The following TMEM45A variants were observed in gnomAD, a reference collection of about 807,000 sequenced individuals.
The protein encoded by TMEM45A is transmembrane protein 45A.
Under a neutral mutation model 32.0 loss-of-function variants are expected in TMEM45A, and 25 were observed. The ratio of observed to expected loss-of-function variants is 0.78; its 90% CI spans 0.57 to 1.09. The LOEUF (loss-of-function observed/expected upper bound fraction) is 1.09, where lower values mean the gene tolerates loss of function less well. TMEM45A is among the 50% of genes least tolerant of loss of function. TMEM45A has a pLI of 0.00. For synonymous variants in TMEM45A, 122 were observed against 114.8 expected, an observed-to-expected ratio of 1.06 and a Z score of -0.40; for missense variants, 302 against 325.0, an observed-to-expected ratio of 0.93 and a Z score of 0.54.
chr3:100,562,888 A>G (rs551650402), intron 4 of TMEM45A, among the ~76,000 whole-genome samples: 23 of 152,328 alleles, frequency 1.5e-4, no homozygotes, highest in Admixed American at 1.4e-3. Flanking sequence ...AAGGTGAAAG[A>G]TGGAAGAGAG....
At chr3:100,560,283 T>C (rs373654306) in intron 4 of TMEM45A, among the ~76,000 whole-genome samples, 31 of 151,216 alleles carry the variant, frequency 2.1e-4, no homozygotes, top group African/African-American at 6.6e-4. Context: ...TTGAGTTAGA[T>C]GCTGATCTCA....
In TMEM45A at chr3:100,546,196, A is replaced by G. The variant is rs542684628; in HGVS notation, c.-3-9013A>G. On this transcript the variant is annotated intron_variant, in intron 1 of 5. Transcript: ENST00000323523. Reference sequence around the variant, plus strand: ...AGCCTCTTCAATGGGACATAGCAGCAGCCTAGGTGGCACCTTGGTTTTAGG... The same window carrying G: ...AGCCTCTTCAATGGGACATAGCAGCGGCCTAGGTGGCACCTTGGTTTTAGG... Among the ~76,000 whole-genome samples, 14 of 152,226 alleles carry G rather than the reference A, an allele frequency of 9.2e-5. No individual in the cohort carries two copies. In the South Asian group the frequency reaches 2.9e-3, roughly 32 times the overall value.
chr3:100,555,649 C>A (rs752655257), intron 2 of TMEM45A, among the ~76,000 whole-genome samples: 12 of 152,026 alleles, frequency 7.9e-5, no homozygotes, highest in Non-Finnish European at 1.6e-4. Flanking sequence ...TTTCTTGGTT[C>A]CTAAATTGGA....
intron 1 of TMEM45A, among the ~76,000 whole-genome samples, chr3:100,497,425 T>C (rs1238151710): frequency 6.6e-6 from 1 of 152,214 alleles, no homozygotes; most frequent in African/African-American, 2.4e-5. Context: ...ATTTACCATC[T>C]TAACCATTTT....
chr3:100,526,417 G>T (rs567685424), intron 1 of TMEM45A, among the ~76,000 whole-genome samples: 2 of 152,232 alleles, frequency 1.3e-5, no homozygotes, highest in South Asian at 4.1e-4. Context: ...AATGCTAAGG[G>T]CCACTACCTC....
At chr3:100,497,776 A>G (rs960116708) in intron 1 of TMEM45A, among the ~76,000 whole-genome samples, 2 of 152,156 alleles carry the variant, frequency 1.3e-5, no homozygotes, top group East Asian at 1.9e-4. Context: ...CATTGTATGT[A>G]TATACCATCT....
chr3:100,530,711 A>G (rs1235560386), intron 1 of TMEM45A, among the ~76,000 whole-genome samples: 1 of 152,228 alleles, frequency 6.6e-6, no homozygotes, highest in Non-Finnish European at 1.5e-5. Flanking sequence ...TAGGACCCAT[A>G]TGAAATTAAA....
intron 1 of TMEM45A, among the ~76,000 whole-genome samples, chr3:100,504,216 A>AC (rs970131585): frequency 4.0e-5 from 6 of 149,052 alleles, no homozygotes; most frequent in Admixed American, 2.0e-4. Flanking sequence ...TTCCCACCCC[A>AC]CCCCCTGAGT....
At chr3:100,521,058 A>G (rs929314840) in intron 1 of TMEM45A, among the ~76,000 whole-genome samples, 1 of 152,202 alleles carries the variant, frequency 6.6e-6, no homozygotes, top group East Asian at 1.9e-4. Context: ...AATGTTAAAG[A>G]ACCCCTTTCG....
chr3:100,499,536 CTAATTA>C (rs2148925043), intron 1 of TMEM45A, among the ~76,000 whole-genome samples: 1 of 152,252 alleles, frequency 6.6e-6, no homozygotes, highest in Admixed American at 6.5e-5. Context: ...CATCATTTTT[CTAATTA>C]TATCTAAAGT....
rs552596403 is a variant in TMEM45A at position 100,535,127 on chromosome 3, C to CT, written c.-3-20071dup. Among the ~76,000 whole-genome samples, 479 of 144,768 alleles carry CT rather than the reference C, an allele frequency of 3.3e-3. 2 individuals are homozygous for CT. The highest frequency in any genetic ancestry group is 4.7e-3 in the Non-Finnish European group (309 of 65,598). The allele number at this position is 144,768 out of a possible 152,430, so 95.0% of individuals were successfully genotyped here. ...GGAGGCACTATTTCCTTGGCTGGGC[C>CT]TTTTTTTTTTTGAGATGGAGTCTCA... On this transcript the variant is annotated intron_variant, in intron 1 of 5. Coordinates refer to ENST00000323523, the MANE Select transcript of TMEM45A (RefSeq NM_018004.3).
chr3:100,540,270 A>G (rs1159074114), intron 1 of TMEM45A, among the ~76,000 whole-genome samples: 3 of 152,204 alleles, frequency 2.0e-5, no homozygotes, highest in Non-Finnish European at 4.4e-5. Flanking sequence ...GACAAACCAC[A>G]GACTGGGGAA....
chr3:100,521,119 C>T (rs1468554408), intron 1 of TMEM45A, among the ~76,000 whole-genome samples: 1 of 152,176 alleles, frequency 6.6e-6, no homozygotes, highest in Non-Finnish European at 1.5e-5. Context: ...CAATGGATGC[C>T]TTTTAATTTG....
intron 1 of TMEM45A, among the ~76,000 whole-genome samples, chr3:100,506,528 A>G (rs1288408400): frequency 9.2e-5 from 14 of 152,222 alleles, no homozygotes; most frequent in African/African-American, 2.4e-5. Context: ...CCTTCAGTGT[A>G]ACATTTTATA....
intron 1 of TMEM45A, among the ~76,000 whole-genome samples, chr3:100,500,612 G>A (rs1159549891): frequency 1.3e-5 from 2 of 152,148 alleles, no homozygotes; most frequent in Admixed American, 6.5e-5. Context: ...GAGAAAGCTC[G>A]GAAGACAACA....
chr3:100,576,887 A>G (rs1164015674), intron 5 of TMEM45A, 38 bp from the exon 6 acceptor site: 1 of 1,495,838 alleles, frequency 6.7e-7, no homozygotes. Flanking sequence ...TTCTATTTTA[A>G]AAACCGTCTA....
chr3:100,525,768 G>T (rs1380958040), intron 1 of TMEM45A, among the ~76,000 whole-genome samples: 1 of 152,188 alleles, frequency 6.6e-6, no homozygotes, highest in Non-Finnish European at 1.5e-5. Flanking sequence ...ACCCATGAAG[G>T]GTCCCCTGAC....
At chr3:100,551,721 G>T (rs1422036977) in intron 1 of TMEM45A, among the ~76,000 whole-genome samples, 1 of 152,136 alleles carries the variant, frequency 6.6e-6, no homozygotes, top group East Asian at 1.9e-4. Context: ...GGGTTCCTTA[G>T]CCAGACAAAT....
At chr3:100,566,296 A>G (rs1186597150) in intron 4 of TMEM45A, among the ~76,000 whole-genome samples, 1 of 152,202 alleles carries the variant, frequency 6.6e-6, no homozygotes, top group African/African-American at 2.4e-5. Flanking sequence ...TTGCCAGGTC[A>G]TATGGAATTC....
Sources: allele counts gnomAD v4.1 joint callset (sites outside exome capture counted in the v4.1 genomes callset), GRCh38; gene constraint gnomAD v4.1.1; transcripts MANE v1.5; gene names NCBI Gene and HGNC (gene_info 2026-07-23, HGNC 2026-07-21).